CFAP47: variants seen among roughly 807,000 people sequenced by gnomAD.
CFAP47 encodes the protein cilia- and flagella-associated protein 47.
Under a neutral mutation model 148.1 loss-of-function variants are expected in CFAP47, and 29 were observed. The ratio of observed to expected loss-of-function variants is 0.20; its 90% CI spans 0.15 to 0.27. The LOEUF (loss-of-function observed/expected upper bound fraction) is 0.27. Ranked by LOEUF, CFAP47 falls within the 10% of genes least tolerant of loss-of-function variation. The pLI is 1.00. For synonymous variants in CFAP47, 664 were observed against 577.3 expected (o/e 1.15, Z -2.15); for missense variants, 1,872 against 1,697.5 (o/e 1.10, Z -1.81).
intron 13 of CFAP47, 84 bp downstream of exon 13, chrX:35,972,049 T>C: frequency 1.6e-6 from 1 of 626,808 alleles, no homozygotes; most frequent in Non-Finnish European, 2.4e-6. Context: ...TTTCATAAAA[T>C]TTAAAGTATG....
chrX:35,962,702 T>C (rs757519583), intron 8 of CFAP47, among the ~76,000 whole-genome samples: 1 of 111,118 alleles, frequency 9.0e-6, no homozygotes, highest in African/African-American at 3.3e-5. Flanking sequence ...TTGTATACAA[T>C]GTGTACCTCT....
chrX:36,067,219 A>G (rs997338640), intron 27 of CFAP47, among the ~76,000 whole-genome samples: 19 of 111,151 alleles, frequency 1.7e-4, no homozygotes, highest in African/African-American at 6.2e-4. Context: ...CATGGGCTAT[A>G]CCTCTAGCCT....
At chrX:35,948,257 T>C (rs1455078111) in intron 3 of CFAP47, 57 bp from the exon 4 acceptor site, 1 of 1,050,706 alleles carries the variant, frequency 9.5e-7, no homozygotes, top group African/African-American at 1.9e-5. Context: ...CTACTGAGAG[T>C]GTACATGCAA....
At chrX:36,058,253 A>G (rs1337760613) in intron 26 of CFAP47, among the ~76,000 whole-genome samples, 1 of 111,974 alleles carries the variant, frequency 8.9e-6, no homozygotes, top group Non-Finnish European at 1.9e-5. Context: ...TTTTGAGAAA[A>G]CATATCACCA....
intron 5 of CFAP47, 89 bp downstream of exon 5, chrX:35,951,448 A>G (rs1294728154): frequency 2.0e-5 from 13 of 635,211 alleles, no homozygotes; most frequent in Middle Eastern, 3.8e-4. Context: ...CTTTTTAATT[A>G]TTCAAAATAT....
chrX:35,976,400 C>A (rs1378535091), intron 15 of CFAP47, among the ~76,000 whole-genome samples: 1 of 111,772 alleles, frequency 8.9e-6, no homozygotes, highest in Non-Finnish European at 1.9e-5. Flanking sequence ...AGGTAATCTG[C>A]ATGTTAATTA....
chrX:36,351,690 G>A (rs1199353636), intron 59 of CFAP47, among the ~76,000 whole-genome samples: 3 of 111,944 alleles, frequency 2.7e-5, no homozygotes, highest in Middle Eastern at 4.2e-3. Flanking sequence ...TTAAACGTGA[G>A]TTCTGTAAAT....
chrX:36,025,839 A>G (rs1484551413), intron 22 of CFAP47, among the ~76,000 whole-genome samples: 1 of 110,981 alleles, frequency 9.0e-6, no homozygotes, highest in African/African-American at 3.3e-5. Context: ...TGAGCTGTTT[A>G]TATTATTTTT....
Position 36,159,482 on chromosome X carries a change from C to G in CFAP47, c.5843C>G (p.Ala1948Gly). 3.4e-6 allele frequency: 1 copy of G among 297,612 alleles called. No homozygotes were observed. Among genetic ancestry groups the G allele is most frequent in the Non-Finnish European group, 5.9e-6 (1 of 170,237 alleles). The allele number at this position is 297,612 out of a possible 1,213,427, so 24.5% of individuals were successfully genotyped here. The change falls in exon 38 of 64, where the codon GCT becomes GGT. Residue 1948 changes from alanine to glycine, a missense_variant. By Grantham distance (60) the Ala-to-Gly change is moderately conservative. Coordinates refer to ENST00000378653, the MANE Select transcript of CFAP47 (RefSeq NM_001304548.2). ...AGTCGCTTTATTCGTCCTGCTGAAG[C>G]TTCACTACTATTAATTTCAAAACCC... is the stretch of plus-strand genomic sequence containing the variant. ...FTSRFIRPAE[A>G]SLLLISKPKN...
chrX:36,018,972 G>A (rs2146708325), intron 22 of CFAP47, among the ~76,000 whole-genome samples: 1 of 111,455 alleles, frequency 9.0e-6, no homozygotes, highest in Non-Finnish European at 1.9e-5. Flanking sequence ...ATGATACCAG[G>A]TTTTCCTTAC....
chrX:36,260,435 G>A (rs1940804086), intron 49 of CFAP47, among the ~76,000 whole-genome samples: 1 of 111,575 alleles, frequency 9.0e-6, no homozygotes, highest in African/African-American at 3.3e-5. Flanking sequence ...GGTGTGAGAT[G>A]GTATCTCATA....
chrX:36,243,257 T>TAAAAC (rs2146915481), intron 48 of CFAP47, among the ~76,000 whole-genome samples: 1 of 110,906 alleles, frequency 9.0e-6, no homozygotes, highest in South Asian at 3.8e-4. Context: ...ATAGACATTA[T>TAAAAC]AAAACAACTG....
At chrX:36,267,389 A>G (rs1940905126) in intron 49 of CFAP47, among the ~76,000 whole-genome samples, 1 of 110,249 alleles carries the variant, frequency 9.1e-6, no homozygotes, top group South Asian at 3.8e-4. Context: ...CATCAGCAAT[A>G]TTGACTGCCA....
At chrX:36,350,985 T>C (rs978749740) in intron 59 of CFAP47, among the ~76,000 whole-genome samples, 5 of 111,825 alleles carry the variant, frequency 4.5e-5, no homozygotes, top group African/African-American at 1.3e-4. Context: ...AAATAAGTCT[T>C]GAAATTTTGC....
chrX:36,223,799 T>C (rs1555991123), intron 45 of CFAP47, among the ~76,000 whole-genome samples: 1 of 111,421 alleles, frequency 9.0e-6, no homozygotes, highest in Non-Finnish European at 1.9e-5. Context: ...ATTTTAAATA[T>C]TGTTCATACA....
Position 36,310,993 on chromosome X carries a change from A to G in CFAP47, c.8344+4A>G. 9.6e-7 allele frequency: 1 copy of G among 1,037,371 alleles called. No individual in the cohort carries two copies. The highest frequency in any genetic ancestry group is 1.3e-6 in the Non-Finnish European group (1 of 788,374). The allele number at this position is 1,037,371 out of a possible 1,213,427, so 85.5% of individuals were successfully genotyped here. A position where few individuals can be genotyped will look rare whatever the true frequency, so the allele number is the denominator to read the frequency against. ...CTCATTGATATAATACTGACAAGTAAGTTGTTTTTCTTATATTTTACATGT... is the reference window on the plus strand; with the variant it reads ...CTCATTGATATAATACTGACAAGTAGGTTGTTTTTCTTATATTTTACATGT... On this transcript the variant is annotated splice_donor_region_variant and intron_variant, in intron 56 of 63. Coordinates refer to ENST00000378653, the MANE Select transcript of CFAP47 (RefSeq NM_001304548.2).
rs1935678079 is a variant in CFAP47, at chrX:35,924,298, C to CATGTATGTGTATATGT, written c.250-1718_250-1717insTGTATGTGTATATGTA. 3.0e-5 allele frequency among the ~76,000 whole-genome samples: 3 copies of CATGTATGTGTATATGT among 98,373 alleles called. No individual in the cohort carries two copies. In the Admixed American group the frequency reaches 3.1e-4, roughly 10 times the overall value. The allele number at this position is 98,373 out of a possible 115,157, so 85.4% of individuals were successfully genotyped here. A position where few individuals can be genotyped will look rare whatever the true frequency, so the allele number is the denominator to read the frequency against. ...ATGTGTATATGTACATGTATGTGTA[C>CATGTATGTGTATATGT]ACATATGTATATATGTACATGTATG... On this transcript the variant is annotated intron_variant, in intron 1 of 63. Transcript: ENST00000378653.
intron 1 of CFAP47, among the ~76,000 whole-genome samples, chrX:35,922,949 T>A (rs1455956719): frequency 9.0e-6 from 1 of 111,320 alleles, no homozygotes; most frequent in Non-Finnish European, 1.9e-5. Flanking sequence ...CCTCGCTTCT[T>A]CTCCACCTTT....
chrX:36,256,379 T>A (rs782283386), intron 49 of CFAP47, among the ~76,000 whole-genome samples: 4 of 112,117 alleles, frequency 3.6e-5, no homozygotes, highest in Non-Finnish European at 7.5e-5. Context: ...TAAAGATGCA[T>A]GTTCACAACA....
Sources: allele counts gnomAD v4.1 joint callset (sites outside exome capture counted in the v4.1 genomes callset), GRCh38; gene constraint gnomAD v4.1.1; transcripts MANE v1.5; gene names NCBI Gene and HGNC (gene_info 2026-07-23, HGNC 2026-07-21).